The following DRD2 variants were observed in gnomAD, a reference collection of about 807,000 sequenced individuals.
DRD2 encodes the protein dopamine receptor D2.
A neutral mutation model predicts 38.0 loss-of-function variants in DRD2; 8 were observed. The ratio of observed to expected loss-of-function variants is 0.21; its 90% CI spans 0.12 to 0.38. The LOEUF (loss-of-function observed/expected upper bound fraction) is 0.38, where lower values mean the gene tolerates loss of function less well. Among genes scored for constraint, DRD2 ranks in the 10% least tolerant of loss-of-function variants. DRD2 has a pLI of 1.00. For synonymous variants in DRD2, 230 were observed against 238.6 expected (o/e 0.96, Z 0.33); for missense variants, 403 against 607.7 (o/e 0.66, Z 3.54).
At chr11:113,474,291 T>A (rs576924768) in intron 1 of DRD2, 1 of 152,308 alleles carries the variant, frequency 6.6e-6, no homozygotes, top group South Asian at 2.1e-4. Context: ...AGGGAAGCGC[T>A]CTGTCTGGTG....
chr11:113,470,731 C>T (rs1470714660), intron 1 of DRD2, among the ~76,000 whole-genome samples: 1 of 152,212 alleles, frequency 6.6e-6, no homozygotes, highest in Non-Finnish European at 1.5e-5. Context: ...CTGCTCTCAC[C>T]TCTGTACACT....
intron 1 of DRD2, among the ~76,000 whole-genome samples, chr11:113,433,070 C>G (rs1424328531): frequency 2.0e-5 from 3 of 152,048 alleles, no homozygotes; most frequent in African/African-American, 7.2e-5. Flanking sequence ...GAGGGCAAAG[C>G]CTCTAAGCCC....
intron 1 of DRD2, among the ~76,000 whole-genome samples, chr11:113,429,331 G>A (rs1950965971): frequency 2.6e-5 from 4 of 152,118 alleles, no homozygotes; most frequent in Middle Eastern, 3.4e-3. Context: ...TGCAAGCTCC[G>A]CCTCCTGGAT....
At chr11:113,412,464 C>T (rs1170204317) in intron 7 of DRD2, 92 bp downstream of exon 7, 21 of 1,497,634 alleles carry the variant, frequency 1.4e-5, no homozygotes, top group Non-Finnish European at 1.7e-5. Flanking sequence ...AAATGCTAGC[C>T]CCATGATCCT....
intron 1 of DRD2, among the ~76,000 whole-genome samples, chr11:113,453,289 G>C (rs1951234010): frequency 6.6e-6 from 1 of 152,152 alleles, no homozygotes; most frequent in Non-Finnish European, 1.5e-5. Context: ...CTAGGAAGTG[G>C]GGGTGATGAT....
At chr11:113,452,780 T>G (rs977527880) in intron 1 of DRD2, among the ~76,000 whole-genome samples, 5 of 151,970 alleles carry the variant, frequency 3.3e-5, no homozygotes, top group Non-Finnish European at 4.4e-5. Flanking sequence ...CTTGAGTAGC[T>G]GGGATCACAG....
rs1367564903 is a variant in DRD2, at chr11:113,417,017, C to CCTGAAT, written c.396-24_396-19dup. 6.2e-7 allele frequency: 1 copy of CCTGAAT among 1,612,624 alleles called. No individual in the cohort carries two copies. The highest frequency in any genetic ancestry group is 8.5e-7 in the Non-Finnish European group (1 of 1,179,258). ...CTGTGTACCTGCAAGGGCGGGGGAC[C>CCTGAAT]CTGAATCTGGGGTGCAGGCCCAGGG... is the stretch of plus-strand genomic sequence containing the variant. On this transcript the variant is annotated intron_variant, in intron 3 of 7. Transcript: ENST00000362072.
intron 1 of DRD2, among the ~76,000 whole-genome samples, chr11:113,460,103 C>G (rs542004626): frequency 1.3e-4 from 20 of 152,368 alleles, no homozygotes; most frequent in Middle Eastern, 6.8e-3. Flanking sequence ...GTCTGGCAGA[C>G]AGAAACTCAG....
At chr11:113,461,927 C>G (rs1476153873) in intron 1 of DRD2, among the ~76,000 whole-genome samples, 2 of 152,166 alleles carry the variant, frequency 1.3e-5, no homozygotes, top group Non-Finnish European at 2.9e-5. Flanking sequence ...CCCAAGTGCC[C>G]CAGAAATCCA....
At position 113,451,922 on chromosome 11, in the gene DRD2, T is replaced by C. The variant is rs557049547; in HGVS notation, c.-32+23154A>G. 3.3e-5 allele frequency among the ~76,000 whole-genome samples: 5 copies of C among 152,318 alleles called. No individual in the cohort carries two copies. In the South Asian group the frequency reaches 8.3e-4, roughly 25 times the overall value. On this transcript the variant is annotated intron_variant, in intron 1 of 7. Coordinates refer to ENST00000362072, the MANE Select transcript of DRD2 (RefSeq NM_000795.4). ...TGTACATGACTCAAAAAAATAAACATTCACAGGAAAATTCCATAGCTGGGA... is the reference window on the plus strand; with the variant it reads ...TGTACATGACTCAAAAAAATAAACACTCACAGGAAAATTCCATAGCTGGGA...
chr11:113,414,929 G>T (rs767618870), intron 5 of DRD2, among the ~76,000 whole-genome samples: 15 of 152,210 alleles, frequency 9.9e-5, no homozygotes, highest in Non-Finnish European at 2.2e-4. Flanking sequence ...CCTTGTGAAG[G>T]ACTGAGTGAA....
At position 113,410,282 on chromosome 11, in the gene DRD2, C is replaced by T. The variant is rs201675047; in HGVS notation, c.*445G>A. On this transcript the variant is annotated 3_prime_UTR_variant, in exon 8 of 8. Coordinates refer to ENST00000362072, the MANE Select transcript of DRD2 (RefSeq NM_000795.4). ...CCTCGGCAAGAGAGCTTGCTTGCCT[C>T]CTGTGGGCCTTGCAGGGTGTGAACT... 1.1e-5 allele frequency: 3 copies of T among 273,512 alleles called. No homozygotes were observed. Among genetic ancestry groups the T allele is most frequent in the Non-Finnish European group, 7.1e-6 (1 of 141,000 alleles). 16.9% of individuals were successfully genotyped at this position (273,512 alleles called of 1,614,324 possible).
intron 1 of DRD2, among the ~76,000 whole-genome samples, chr11:113,432,502 T>C (rs913003376): frequency 1.3e-5 from 2 of 152,202 alleles, no homozygotes; most frequent in African/African-American, 4.8e-5. Flanking sequence ...AGGAATCAAA[T>C]TGTCTAATTA....
At chr11:113,442,662 C>G (rs1233480119) in intron 1 of DRD2, among the ~76,000 whole-genome samples, 1 of 152,226 alleles carries the variant, frequency 6.6e-6, no homozygotes, top group Non-Finnish European at 1.5e-5. Context: ...AAACACAAAT[C>G]TCTCTCCCTA....
chr11:113,439,392 T>A (rs1025516545), intron 1 of DRD2, among the ~76,000 whole-genome samples: 1 of 152,152 alleles, frequency 6.6e-6, no homozygotes, highest in Non-Finnish European at 1.5e-5. Flanking sequence ...ACAAGACACA[T>A]CAAGCCACTA....
intron 1 of DRD2, among the ~76,000 whole-genome samples, chr11:113,442,503 A>G (rs1383386833): frequency 6.6e-6 from 1 of 152,142 alleles, no homozygotes; most frequent in Non-Finnish European, 1.5e-5. Context: ...TTGAGGCAAC[A>G]CTGGTGGCTT....
intron 1 of DRD2, among the ~76,000 whole-genome samples, chr11:113,468,857 A>AT (rs1350078117): frequency 6.6e-6 from 1 of 152,108 alleles, no homozygotes; most frequent in Admixed American, 6.6e-5. Flanking sequence ...TAATCAGCTC[A>AT]TTTTTTAAAG....
At chr11:113,417,642 A>G (rs1277132743) in intron 3 of DRD2, among the ~76,000 whole-genome samples, 1 of 152,200 alleles carries the variant, frequency 6.6e-6, no homozygotes, top group Admixed American at 6.5e-5. Context: ...CTGCAGCTCC[A>G]GGCCACAGGT....
At chr11:113,452,433 T>TGC (rs1951218392) in intron 1 of DRD2, among the ~76,000 whole-genome samples, 1 of 115,674 alleles carries the variant, frequency 8.6e-6, no homozygotes, top group African/African-American at 3.3e-5. Flanking sequence ...CTGGTGTGCA[T>TGC]GCGTGTGTGT....
Sources: gnomAD v4.1 joint callset for allele counts (sites outside exome capture counted in the v4.1 genomes callset) on GRCh38, gnomAD v4.1.1 for gene constraint, MANE v1.5 for transcripts, NCBI Gene and HGNC (gene_info 2026-07-23, HGNC 2026-07-21) for gene names.